TNKS1BP1: variants seen among roughly 807,000 people sequenced by gnomAD.
The protein encoded by TNKS1BP1 is CCR4-NOT transcription complex subunit 12, also known as 182 kDa tankyrase-1-binding protein.
TNKS1BP1 carries 48 observed loss-of-function variants against 141.1 expected under a neutral mutation model. The ratio of observed to expected loss-of-function variants is 0.34; its 90% CI spans 0.27 to 0.43. TNKS1BP1 has a LOEUF of 0.43. Among genes scored for constraint, TNKS1BP1 ranks in the 20% least tolerant of loss-of-function variants. The pLI, the probability that TNKS1BP1 is intolerant of heterozygous loss-of-function variation, is 1.00. For synonymous variants in TNKS1BP1, 875 were observed against 898.2 expected, an observed-to-expected ratio of 0.97 and a Z score of 0.46; for missense variants, 2,149 against 2,226.0, an observed-to-expected ratio of 0.97 and a Z score of 0.70.
intron 2 of TNKS1BP1, among the ~76,000 whole-genome samples, chr11:57,321,383 C>A (rs1000478300): frequency 6.6e-6 from 1 of 152,154 alleles, no homozygotes. Context: ...GAAGTACCCT[C>A]GTCCACAGTC....
At chr11:57,322,051 C>G in intron 1 of TNKS1BP1, 101 bp from the exon 2 acceptor site, 1 of 811,952 alleles carries the variant, frequency 1.2e-6, no homozygotes, top group South Asian at 2.6e-5. Flanking sequence ...GAGTGTGGGA[C>G]AGGAAGAGAG....
At position 57,308,397 on chromosome 11, in the gene TNKS1BP1, T is replaced by C; in HGVS notation, c.4314A>G (p.Ala1438=). ...TGGGATGGGGCTCCGTTCATTACCT[T>C]GCTCCGAAGCTGAGGGCTTCTCCTG... The part of the protein sequence containing the change: ...METGEALSFG[A]SPGRCPARPP... Residue 1438 remains alanine, a splice_region_variant and synonymous_variant, in exon 6 of 12, where the codon GCA becomes GCG. Coordinates refer to ENST00000358252, the MANE Select transcript of TNKS1BP1 (RefSeq NM_033396.3). The C allele has an allele frequency of 6.2e-7, 1 of 1,612,462 alleles. No homozygotes were observed. The highest frequency in any genetic ancestry group is 8.5e-7 in the Non-Finnish European group (1 of 1,178,812).
intron 8 of TNKS1BP1, 47 bp from the exon 9 acceptor site, chr11:57,301,990 C>T (rs760100510): frequency 6.2e-7 from 1 of 1,608,804 alleles, no homozygotes; most frequent in Non-Finnish European, 8.5e-7. Context: ...CACACCCAGA[C>T]TCCCCGAACC....
intron 1 of TNKS1BP1, among the ~76,000 whole-genome samples, chr11:57,322,519 C>T (rs1186235873): frequency 6.6e-6 from 1 of 152,218 alleles, no homozygotes; most frequent in Non-Finnish European, 1.5e-5. Context: ...TCCCTCAGAA[C>T]TGTCTCATCC....
rs1855732165 is a variant in TNKS1BP1, at chr11:57,312,729, T to G, written c.1959A>C (p.Leu653=). ...ALPVEEEAVT[L]ARAETTQART... ...TGGCTTGGGTGGTCTCAGCCCGGGC[T>G]AGGGTCACGGCCTCCTCCTCAACAG... The change falls in exon 5 of 12, where the codon CTA becomes CTC. Residue 653 remains leucine, a synonymous_variant. Coordinates refer to ENST00000358252, the MANE Select transcript of TNKS1BP1 (RefSeq NM_033396.3). The G allele has an allele frequency of 1.9e-6, 3 of 1,581,324 alleles. No individual in the cohort carries two copies. Among genetic ancestry groups the G allele is most frequent in the African/African-American group, 2.7e-5 (2 of 74,266 alleles).
chr11:57,310,112 A>G lies in TNKS1BP1; in HGVS notation c.2599T>C (p.Phe867Leu). The stretch of plus-strand genomic sequence containing the variant: ...GTACCCAGTGAATCTCTCTTTCCGA[A>G]TTCCTGGTCCTGGAGTTCTGCATCC... ...SRDAELQDQE[F>L]GKRDSLGTYS... The change falls in exon 6 of 12, where the codon TTC (phenylalanine) becomes CTC (leucine). Residue 867 changes from phenylalanine (F) to leucine (L), a missense_variant. By Grantham distance (22) the Phe-to-Leu change is conservative. Transcript: ENST00000358252. 1 of 1,613,926 alleles carries G rather than the reference A, an allele frequency of 6.2e-7. No homozygotes were observed. Among genetic ancestry groups the G allele is most frequent in the Non-Finnish European group, 8.5e-7 (1 of 1,179,976 alleles).
At chr11:57,324,477 G>A (rs1289319406) in intron 1 of TNKS1BP1, among the ~76,000 whole-genome samples, 4 of 150,552 alleles carry the variant, frequency 2.7e-5, no homozygotes, top group Admixed American at 2.0e-4. Flanking sequence ...GGCTGGGGGC[G>A]TGCCGAAGGA....
chr11:57,322,080 G>A lies in TNKS1BP1; in HGVS notation c.-65-130C>T, dbSNP rs933571803. On this transcript the variant is annotated intron_variant, in intron 1 of 11. Transcript: ENST00000358252. ...AAGAGAGAACTTGGAGTGGGGGGGG[G>A]GGGGTAGGAGGAGGTCAAGGGAGGT... 1.5e-4 allele frequency: 117 copies of A among 774,320 alleles called. 7 individuals are homozygous for A. Among genetic ancestry groups the A allele is most frequent in the South Asian group, 1.3e-3 (67 of 51,878 alleles). 48.0% of individuals were successfully genotyped at this position (774,320 alleles called of 1,614,324 possible).
At chr11:57,303,050 C>T in intron 6 of TNKS1BP1, 1 of 471,326 alleles carries the variant, frequency 2.1e-6, no homozygotes. Flanking sequence ...TCGGGTGAGC[C>T]CCCTCCCCTG....
intron 5 of TNKS1BP1, among the ~76,000 whole-genome samples, 166 bp from the exon 6 acceptor site, chr11:57,310,722 C>T (rs1165500609): frequency 6.6e-6 from 1 of 152,208 alleles, no homozygotes; most frequent in Non-Finnish European, 1.5e-5. Flanking sequence ...GTCTCAGCGT[C>T]CTCATCCTTA....
rs1855498489 is a variant in TNKS1BP1, at chr11:57,299,848, AAGG to A, written c.*243_*245del. 1 of 154,892 alleles carries A rather than the reference AAGG, an allele frequency of 6.5e-6. No individual in the cohort carries two copies. Among genetic ancestry groups the A allele is most frequent in the Non-Finnish European group, 1.5e-5 (1 of 68,224 alleles). The allele number at this position is 154,892 out of a possible 1,614,324, so 9.6% of individuals were successfully genotyped here. On this transcript the variant is annotated 3_prime_UTR_variant, in exon 12 of 12. Transcript: ENST00000358252. Reference sequence around the variant, plus strand: ...GAGGAGGAAGCAGAGAGGGAGAGGGAAGGAGGAGAGGAAGGGACAAAACCTTCA... The same window carrying A: ...GAGGAGGAAGCAGAGAGGGAGAGGGAAGGAGAGGAAGGGACAAAACCTTCA...
intron 3 of TNKS1BP1, 90 bp from the exon 4 acceptor site, chr11:57,317,977 T>A: frequency 1.6e-6 from 2 of 1,237,478 alleles, no homozygotes; most frequent in Non-Finnish European, 2.4e-6. Flanking sequence ...AGTGCAACTT[T>A]AACAGCACCC....
chr11:57,305,312 C>A (rs1269379049), intron 6 of TNKS1BP1, among the ~76,000 whole-genome samples: 2 of 152,126 alleles, frequency 1.3e-5, no homozygotes, highest in Admixed American at 6.5e-5. Flanking sequence ...GAAATATGTG[C>A]CTAACACATA....
rs540129442 is a variant in TNKS1BP1 at position 57,302,003 on chromosome 11, T to C, written c.4835-60A>G. On this transcript the variant is annotated intron_variant, in intron 8 of 11. Coordinates refer to ENST00000358252, the MANE Select transcript of TNKS1BP1 (RefSeq NM_033396.3). The surrounding 1 kb of genome is among the most constrained non-coding windows in gnomAD (Gnocchi z 5.5). ...AGCACACCCAGACTCCCCGAACCCA[T>C]AACCCCTGCAAAAGCTTGGCCTAAT... 24 of 1,605,406 alleles carry C rather than the reference T, an allele frequency of 1.5e-5. No individual in the cohort carries two copies. The African/African-American group carries it at 1.6e-4, about 11-fold the overall frequency.
At position 57,320,173 on chromosome 11, in the gene TNKS1BP1, C is replaced by A. The variant is rs1158993344; in HGVS notation, c.634G>T (p.Asp212Tyr). ...YGTTTAPRDE[D>Y]GSTLFRGWSQ... Reference sequence around the variant, plus strand: ...CATCCCCTGAAGAGGGTGCTGCCATCCTCATCCCTGGGAGCAGTGGTCGTG... The same window carrying A: ...CATCCCCTGAAGAGGGTGCTGCCATACTCATCCCTGGGAGCAGTGGTCGTG... Residue 212 changes from aspartate to tyrosine, a missense_variant, in exon 3 of 12, where the codon GAT (aspartate) becomes TAT (tyrosine). By Grantham distance (160) the Asp-to-Tyr change is radical. Transcript: ENST00000358252. 1.2e-6 allele frequency: 2 copies of A among 1,614,206 alleles called. No homozygotes were observed. Among genetic ancestry groups the A allele is most frequent in the Non-Finnish European group, 1.7e-6 (2 of 1,180,040 alleles).
chr11:57,306,943 AGTG>A (rs1855623109), intron 6 of TNKS1BP1, among the ~76,000 whole-genome samples: 1 of 149,494 alleles, frequency 6.7e-6, no homozygotes, highest in African/African-American at 2.5e-5. Context: ...GTGGTCCCAC[AGTG>A]GCCACACCTG....
intron 1 of TNKS1BP1, among the ~76,000 whole-genome samples, chr11:57,324,358 G>C (rs919636889): frequency 1.3e-5 from 2 of 152,228 alleles, no homozygotes; most frequent in African/African-American, 4.8e-5. Flanking sequence ...GGAGGAGGAG[G>C]AGGGGGCTGC....
chr11:57,324,301 G>C (rs1306062828), intron 1 of TNKS1BP1, among the ~76,000 whole-genome samples: 1 of 152,242 alleles, frequency 6.6e-6, no homozygotes, highest in Non-Finnish European at 1.5e-5. Context: ...GTCTGGAGGG[G>C]CCCAGTGGGG....
rs530487616 is a variant in TNKS1BP1 at position 57,302,354 on chromosome 11, C to T, written c.4683+105G>A. The T allele has an allele frequency of 3.3e-5, 50 of 1,538,088 alleles. No individual in the cohort carries two copies. Among genetic ancestry groups the T allele is most frequent in the Admixed American group, 9.0e-5 (5 of 55,532 alleles). On this transcript the variant is annotated intron_variant, in intron 7 of 11. Transcript: ENST00000358252. This position sits in a 1 kb window ranked among gnomAD's most constrained non-coding sequence, Gnocchi z 5.5. ...ACGTTCACGTGACGCACCTACAACC[C>T]GCTTTCTGCCTCCTGGACTGGGACT...
Sources: allele counts gnomAD v4.1 joint callset (sites outside exome capture counted in the v4.1 genomes callset), GRCh38; gene constraint gnomAD v4.1.1; non-coding constraint Gnocchi (gnomAD v3.1); transcripts MANE v1.5; gene names NCBI Gene and HGNC (gene_info 2026-07-23, HGNC 2026-07-21).